RABGAP1: variants seen among roughly 807,000 people sequenced by gnomAD.
RABGAP1 encodes rab GTPase-activating protein 1.
RABGAP1 carries 23 observed loss-of-function variants against 137.6 expected under a neutral mutation model. The ratio of observed to expected loss-of-function variants is 0.17; its 90% CI spans 0.12 to 0.24. The LOEUF (loss-of-function observed/expected upper bound fraction) is 0.24, where lower values mean the gene tolerates loss of function less well. Ranked by LOEUF, RABGAP1 falls within the 10% of genes least tolerant of loss-of-function variation. The probability of loss-of-function intolerance (pLI) is 1.00; values close to 1 mark genes in which losing one functional copy is unlikely to be tolerated. For missense variants in RABGAP1, 906 were observed against 1,275.8 expected, an observed-to-expected ratio of 0.71 and a Z score of 4.42; for synonymous variants, 451 against 450.7, an observed-to-expected ratio of 1.00 and a Z score of -0.01.
chr9:122,990,034 T>G (rs915053203), intron 5 of RABGAP1, 22 bp from the exon 6 acceptor site: 7 of 1,566,646 alleles, frequency 4.5e-6, no homozygotes, highest in African/African-American at 1.4e-5. Flanking sequence ...AACAGCCCAT[T>G]TCCTAACATG....
At chr9:123,027,108 CTTTTTT>C (rs71388345) in intron 13 of RABGAP1, among the ~76,000 whole-genome samples, 2 of 100,062 alleles carry the variant, frequency 2.0e-5, no homozygotes, top group African/African-American at 3.4e-5. Context: ...TCTTTCTTTT[CTTTTTT>C]TTTTTTTTTT....
At chr9:122,984,979 CTT>C (rs372539461) in intron 3 of RABGAP1, among the ~76,000 whole-genome samples, 43 of 30,876 alleles carry the variant, frequency 1.4e-3, no homozygotes, top group Admixed American at 5.4e-3. Flanking sequence ...CAGAGGGAGT[CTT>C]TTTTTTTTTC....
intron 12 of RABGAP1, among the ~76,000 whole-genome samples, chr9:123,019,305 A>G (rs1403955477): frequency 6.6e-6 from 1 of 152,174 alleles, no homozygotes; most frequent in East Asian, 1.9e-4. Context: ...TTAACTTAGA[A>G]CATATAAATA....
At chr9:123,044,195 G>A (rs2033095486) in intron 13 of RABGAP1, among the ~76,000 whole-genome samples, 1 of 152,064 alleles carries the variant, frequency 6.6e-6, no homozygotes, top group Non-Finnish European at 1.5e-5. Context: ...GAGCCACCGC[G>A]CCCAGCCAGG....
chr9:123,090,178 A>G (rs1388956357), intron 20 of RABGAP1, 97 bp from the exon 21 acceptor site: 1 of 905,156 alleles, frequency 1.1e-6, no homozygotes. Flanking sequence ...TATTGTTTCC[A>G]TAGGACTTAG....
the RABGAP1 span, among the ~76,000 whole-genome samples, chr9:122,933,778 C>T: frequency 6.6e-6 from 1 of 152,038 alleles, no homozygotes; most frequent in African/African-American, 2.4e-5. Flanking sequence ...GTGCACGCCA[C>T]CATGCCCAGT....
intron 13 of RABGAP1, among the ~76,000 whole-genome samples, chr9:123,043,676 G>T (rs2033062445): frequency 6.6e-6 from 1 of 151,974 alleles, no homozygotes; most frequent in African/African-American, 2.4e-5. Context: ...AGCTACAGTA[G>T]CATCTTCCAT....
intron 10 of RABGAP1, among the ~76,000 whole-genome samples, chr9:123,008,599 A>G (rs771114421): frequency 6.6e-6 from 1 of 152,070 alleles, no homozygotes; most frequent in Non-Finnish European, 1.5e-5. Flanking sequence ...TAGGATACCA[A>G]TTGTCTGATG....
At chr9:123,010,202 A>G in intron 10 of RABGAP1, 152 bp from the exon 11 acceptor site, 1 of 678,272 alleles carries the variant, frequency 1.5e-6, no homozygotes, top group Non-Finnish European at 2.3e-6. Flanking sequence ...TAGATACTCA[A>G]AAAAACATCA....
At chr9:122,979,176 G>A (rs1040261864) in intron 2 of RABGAP1, among the ~76,000 whole-genome samples, 4 of 152,150 alleles carry the variant, frequency 2.6e-5, no homozygotes, top group Admixed American at 6.6e-5. Flanking sequence ...GGGATTATAG[G>A]CATGAACCAC....
chr9:123,044,088 A>G (rs1266132623), intron 13 of RABGAP1, among the ~76,000 whole-genome samples: 1 of 151,778 alleles, frequency 6.6e-6, no homozygotes, highest in East Asian at 1.9e-4. Flanking sequence ...TATTTTTAGT[A>G]GAGACGGGGT....
intron 10 of RABGAP1, among the ~76,000 whole-genome samples, chr9:123,001,925 A>G (rs1380250777): frequency 1.3e-5 from 2 of 152,216 alleles, no homozygotes; most frequent in African/African-American, 4.8e-5. Flanking sequence ...AGCATTGATT[A>G]TTTAGATGGA....
intron 1 of RABGAP1, among the ~76,000 whole-genome samples, chr9:122,951,573 AT>A (rs879503107): frequency 2.3e-3 from 330 of 143,828 alleles, no homozygotes; most frequent in Admixed American, 2.3e-3. Flanking sequence ...ATGAATGTGA[AT>A]TTTTTTTTTT....
chr9:122,973,352 C>A (rs1017517893), intron 2 of RABGAP1, among the ~76,000 whole-genome samples: 27 of 152,242 alleles, frequency 1.8e-4, no homozygotes, highest in African/African-American at 5.5e-4. Flanking sequence ...ATTCCCCTGC[C>A]TCAGCCTCCC....
intron 19 of RABGAP1, among the ~76,000 whole-genome samples, chr9:123,079,732 GT>G (rs2132173253): frequency 6.6e-6 from 1 of 152,140 alleles, no homozygotes; most frequent in South Asian, 2.1e-4. Context: ...TGCTTGTAAT[GT>G]TCTCCTGAAT....
rs549030361 is a variant in RABGAP1, at chr9:123,060,901, C to T, written c.1795-4447C>T. Among the ~76,000 whole-genome samples, 113 of 152,272 alleles carry T rather than the reference C, an allele frequency of 7.4e-4. 1 individual carries two copies. The highest frequency in any genetic ancestry group is 3.4e-3 in the Middle Eastern group (1 of 294). ...AAAGTGTTCAAAGAGATATACATTT[C>T]AAGTTGTAGCAGGTTGTGACAAAGT... On this transcript the variant is annotated intron_variant, in intron 13 of 25. Coordinates refer to ENST00000373647, the MANE Select transcript of RABGAP1 (RefSeq NM_012197.4).
In RABGAP1 at chr9:123,103,363, C is replaced by A; in HGVS notation, c.*150C>A. On this transcript the variant is annotated 3_prime_UTR_variant, in exon 26 of 26. Coordinates refer to ENST00000373647, the MANE Select transcript of RABGAP1 (RefSeq NM_012197.4). ...ATGTTGGTAGGTCACTGGACCAGAG[C>A]TTGTGAAGCAGGCAACCTCTGGGGT... The A allele has an allele frequency of 2.4e-6, 3 of 1,258,854 alleles. No homozygotes were observed. Among genetic ancestry groups the A allele is most frequent in the Non-Finnish European group, 3.2e-6 (3 of 923,932 alleles). 78.0% of individuals were successfully genotyped at this position (1,258,854 alleles called of 1,614,324 possible). A position where few individuals can be genotyped will look rare whatever the true frequency, so the allele number is the denominator to read the frequency against.
chr9:122,992,705 AT>A (rs1836800928), intron 6 of RABGAP1, among the ~76,000 whole-genome samples: 2 of 148,390 alleles, frequency 1.3e-5, no homozygotes, highest in Non-Finnish European at 3.0e-5. Flanking sequence ...TTATTTAGGT[AT>A]AATAATAATT....
intron 2 of RABGAP1, among the ~76,000 whole-genome samples, chr9:122,964,689 T>A (rs1262164750): frequency 6.6e-6 from 1 of 152,184 alleles, no homozygotes; most frequent in Non-Finnish European, 1.5e-5. Flanking sequence ...TCACCACCGA[T>A]CTTCAACATT....
Sources: gnomAD v4.1 joint callset for allele counts (sites outside exome capture counted in the v4.1 genomes callset) on GRCh38, gnomAD v4.1.1 for gene constraint, MANE v1.5 for transcripts, NCBI Gene and HGNC (gene_info 2026-07-23, HGNC 2026-07-21) for gene names.